The following PLPP2 variants were observed in gnomAD, a reference collection of about 807,000 sequenced individuals.
PLPP2 encodes PAP2-gamma.
In PLPP2, 29 loss-of-function variants were observed where a neutral mutation model predicts 35.2. The observed-to-expected ratio is 0.82, with a 90% CI of 0.61 to 1.12. PLPP2 has a LOEUF of 1.12. Among genes scored for constraint, PLPP2 ranks in the 50% most tolerant of loss-of-function variants. PLPP2 has a pLI of 0.00. For missense variants in PLPP2, 353 were observed against 375.2 expected (o/e 0.94, Z 0.49); for synonymous variants, 162 against 167.0 (o/e 0.97, Z 0.23).
intron 5 of PLPP2, 144 bp downstream of exon 5, chr19:281,989 TG>T: frequency 1.4e-6 from 1 of 739,604 alleles, no homozygotes; most frequent in Non-Finnish European, 2.0e-6. Context: ...GGACTGGGGT[TG>T]GGGGAAGGGG....
chr19:282,305 A>T lies in PLPP2; in HGVS notation c.546T>A (p.Tyr182Ter). ...ACTTCCAACAGAGTCGTGCCTGCAC[A>T]TACAGCTGGAGTGGGGAGAGGACGT... ...GMYCMVFLAL[Y>*]VQARLCWKWA... Residue 182 changes from tyrosine to a stop codon, truncating the protein, a stop_gained, in exon 5 of 6, where the codon TAT becomes TAA. Transcript: ENST00000434325. LOFTEE classifies it high-confidence loss of function. The T allele has an allele frequency of 6.2e-7, 1 of 1,613,458 alleles. No homozygotes were observed. The highest frequency in any genetic ancestry group is 8.5e-7 in the Non-Finnish European group (1 of 1,179,768).
At chr19:284,342 C>T (rs547309967) in intron 3 of PLPP2, 26 of 117,856 alleles carry the variant, frequency 2.2e-4, no homozygotes, top group African/African-American at 8.3e-4. Context: ...TAGGGTGAGA[C>T]TCTGTCTCAA....
rs112530089 is a variant in PLPP2 at position 287,773 on chromosome 19, C to T, written c.205-22G>A. ...AGACCTGCAAGAGCAGCCGCAGGAA[C>T]CAGTGGGGGTCTCGGTCGGCCCAGG... On this transcript the variant is annotated intron_variant, in intron 2 of 5. Coordinates refer to ENST00000434325, the MANE Select transcript of PLPP2 (RefSeq NM_003712.4). The surrounding 1 kb of genome is among the most constrained non-coding windows in gnomAD (Gnocchi z 4.3). 6.2e-6 allele frequency: 10 copies of T among 1,611,840 alleles called. No homozygotes were observed. The highest frequency in any genetic ancestry group is 1.6e-4 in the Middle Eastern group (1 of 6,078).
At chr19:289,584 T>C (rs1447987440) in intron 1 of PLPP2, among the ~76,000 whole-genome samples, 1 of 151,986 alleles carries the variant, frequency 6.6e-6, no homozygotes, top group East Asian at 1.9e-4. Context: ...TGTGGCGGTG[T>C]CCCAGCTCCT....
chr19:281,549 G>A lies in PLPP2; in HGVS notation c.718-12C>T. 3 of 1,465,180 alleles carry A rather than the reference G, an allele frequency of 2.0e-6. No homozygotes were observed. The highest frequency in any genetic ancestry group is 2.5e-5 in the East Asian group (1 of 40,204). 90.8% of individuals were successfully genotyped at this position (1,465,180 alleles called of 1,614,324 possible). ...GAGATGTAGCAGACCTGGTAGAGCA[G>A]AGGGTGGTGAGAATGGGCAGGGGGC... On this transcript the variant is annotated splice_polypyrimidine_tract_variant and intron_variant, in intron 5 of 5. Coordinates refer to ENST00000434325, the MANE Select transcript of PLPP2 (RefSeq NM_003712.4).
At chr19:291,210 G>A in intron 1 of PLPP2, 75 bp downstream of exon 1, 2 of 1,589,294 alleles carry the variant, frequency 1.3e-6, no homozygotes, top group Non-Finnish European at 1.7e-6. Flanking sequence ...GCGTTCCCCT[G>A]CAAACTTGCG....
In PLPP2 at chr19:281,534, A is replaced by G. The variant is rs61738956; in HGVS notation, c.721T>C (p.Cys241Arg). The G allele has an allele frequency of 1.8e-4, 271 of 1,492,378 alleles. No homozygotes were observed. The African/African-American group carries it at 3.5e-3, about 19-fold the overall frequency. 92.4% of individuals were successfully genotyped at this position (1,492,378 alleles called of 1,614,324 possible). ...QGALVAALTV[C>R]YISDFFKARP... Reference sequence around the variant, plus strand: ...GCTTTGAAGAAGTCTGAGATGTAGCAGACCTGGTAGAGCAGAGGGTGGTGA... The same window carrying G: ...GCTTTGAAGAAGTCTGAGATGTAGCGGACCTGGTAGAGCAGAGGGTGGTGA... The change falls in exon 6 of 6, where the codon TGC (cysteine) becomes CGC (arginine). Residue 241 changes from cysteine (C) to arginine (R), a missense_variant. Physicochemically the swap from Cys to Arg is radical, Grantham distance 180. Transcript: ENST00000434325.
intron 5 of PLPP2, chr19:281,929 G>A (rs1409655071): frequency 8.2e-6 from 5 of 610,194 alleles, no homozygotes; most frequent in Non-Finnish European, 1.4e-5. Flanking sequence ...ACTGGGACTG[G>A]GGAGAAGGGG....
intron 1 of PLPP2, among the ~76,000 whole-genome samples, chr19:289,657 T>G (rs28573771): frequency 0.71 from 107,055 of 151,406 alleles, 38,510 homozygotes; most frequent in African/African-American, 0.76. Flanking sequence ...GAGCCGAGAT[T>G]GCACCACTGC....
At position 282,273 on chromosome 19, in the gene PLPP2, C is replaced by T. The variant is rs774878227; in HGVS notation, c.578G>A (p.Arg193Gln). 5 of 1,613,822 alleles carry T rather than the reference C, an allele frequency of 3.1e-6. No individual in the cohort carries two copies. The highest frequency in any genetic ancestry group is 1.1e-5 in the South Asian group (1 of 91,084). The change falls in exon 5 of 6, where the codon CGG becomes CAG. Residue 193 changes from arginine to glutamine, a missense_variant. Coordinates refer to ENST00000434325, the MANE Select transcript of PLPP2 (RefSeq NM_003712.4). ...GAACTGGACTGTGGGTCGCAGCAGCCGTGCCCACTTCCAACAGAGTCGTGC... is the reference window on the plus strand; with the variant it reads ...GAACTGGACTGTGGGTCGCAGCAGCTGTGCCCACTTCCAACAGAGTCGTGC... ...VQARLCWKWA[R>Q]LLRPTVQFFL... is the part of the protein sequence containing the mutation.
chr19:285,865 G>C (rs897785271), intron 3 of PLPP2: 1 of 151,984 alleles, frequency 6.6e-6, no homozygotes, highest in African/African-American at 2.4e-5. Flanking sequence ...TCAGGAATCT[G>C]AGGTAGGAGA....
chr19:288,224 T>G, intron 1 of PLPP2, 53 bp from the exon 2 acceptor site: 1 of 1,527,444 alleles, frequency 6.5e-7, no homozygotes, highest in African/African-American at 1.4e-5. Context: ...CAGCTGGGCC[T>G]TGGGGCCCCA....
Position 291,323 on chromosome 19 carries a change from C to A in PLPP2, c.14G>T (p.Trp5Leu). The change falls in exon 1 of 6, where the codon TGG becomes TTG. Residue 5 changes from tryptophan (W) to leucine (L), a missense_variant. Physicochemically the swap from Trp to Leu is moderately conservative, Grantham distance 61. Transcript: ENST00000434325. ...CAGCACGTCGAGCAGCACGAAGACC[C>A]ACCTCCGCTGCATGGTCCCCGCGAC... MQRR[W>L]VFVLLDVLCL... The A allele has an allele frequency of 6.3e-7, 1 of 1,597,932 alleles. No individual in the cohort carries two copies. Among genetic ancestry groups the A allele is most frequent in the Non-Finnish European group, 8.5e-7 (1 of 1,173,774 alleles).
intron 1 of PLPP2, among the ~76,000 whole-genome samples, chr19:290,175 G>A (rs1467669534): frequency 1.3e-5 from 2 of 152,126 alleles, no homozygotes; most frequent in Non-Finnish European, 2.9e-5. Context: ...CAGCATAGAG[G>A]TGCACTCGGC....
At chr19:291,195 C>G in intron 1 of PLPP2, 90 bp downstream of exon 1, 1 of 1,581,020 alleles carries the variant, frequency 6.3e-7, no homozygotes, top group East Asian at 2.4e-5. Context: ...GGGCGCGCAG[C>G]CTCCGCGTTC....
intron 5 of PLPP2, 49 bp downstream of exon 5, chr19:282,085 G>A (rs1471542982): frequency 6.3e-7 from 1 of 1,597,642 alleles, no homozygotes; most frequent in South Asian, 1.1e-5. Flanking sequence ...GTTGGCTGGG[G>A]AGTGGTCTCT....
At chr19:290,658 C>T (rs969073991) in intron 1 of PLPP2, among the ~76,000 whole-genome samples, 1 of 152,206 alleles carries the variant, frequency 6.6e-6, no homozygotes, top group African/African-American at 2.4e-5. Context: ...CCAGTGTGGC[C>T]CGCAAACCCG....
chr19:281,591 A>G (rs2145264836), intron 5 of PLPP2, 54 bp from the exon 6 acceptor site: 1 of 1,396,416 alleles, frequency 7.2e-7, no homozygotes, highest in South Asian at 1.9e-5. Flanking sequence ...GGTACCAGGG[A>G]CATGGGCATG....
In PLPP2 at chr19:287,049, A is replaced by C. The variant is rs1970281642; in HGVS notation, c.482+425T>G. 7 of 177,730 alleles carry C rather than the reference A, an allele frequency of 3.9e-5. No homozygotes were observed. In the South Asian group the frequency reaches 8.6e-4, roughly 22 times the overall value. The allele number at this position is 177,730 out of a possible 1,614,324, so 11.0% of individuals were successfully genotyped here. A position where few individuals can be genotyped will look rare whatever the true frequency, so the allele number is the denominator to read the frequency against. ...CACTTACTTTACAGTCAGAGACATA[A>C]ACAGGTTGAAAGTCCAAGAATGGAA... On this transcript the variant is annotated intron_variant, in intron 3 of 5. Coordinates refer to ENST00000434325, the MANE Select transcript of PLPP2 (RefSeq NM_003712.4). The surrounding 1 kb of genome is among the most constrained non-coding windows in gnomAD (Gnocchi z 4.3).
Sources: gnomAD v4.1 joint callset for allele counts (sites outside exome capture counted in the v4.1 genomes callset) on GRCh38, gnomAD v4.1.1 for gene constraint, Gnocchi (gnomAD v3.1) non-coding constraint, MANE v1.5 for transcripts, NCBI Gene and HGNC (gene_info 2026-07-23, HGNC 2026-07-21) for gene names.